The following SLC2A9 variants were observed in gnomAD, a reference collection of about 807,000 sequenced individuals.
SLC2A9 encodes solute carrier family 2, facilitated glucose transporter member 9.
In SLC2A9, 39 loss-of-function variants were observed where a neutral mutation model predicts 50.6. That is an observed-to-expected ratio of 0.77 (90% CI 0.60 to 1.01). The LOEUF (loss-of-function observed/expected upper bound fraction) is 1.01. Ranked by LOEUF, SLC2A9 falls within the 50% of genes least tolerant of loss-of-function variation. The pLI, the probability that SLC2A9 is intolerant of heterozygous loss-of-function variation, is 0.00. For synonymous variants in SLC2A9, 324 were observed against 276.9 expected, an observed-to-expected ratio of 1.17 and a Z score of -1.69; for missense variants, 686 against 677.6, an observed-to-expected ratio of 1.01 and a Z score of -0.14.
At chr4:9,875,871 A>G (rs1472825134) in intron 10 of SLC2A9, among the ~76,000 whole-genome samples, 1 of 152,172 alleles carries the variant, frequency 6.6e-6, no homozygotes, top group African/African-American at 2.4e-5. Flanking sequence ...CTTAACCTCC[A>G]TTGGCACTGG....
At chr4:9,992,544 T>C (rs1757894886) in intron 3 of SLC2A9, among the ~76,000 whole-genome samples, 1 of 152,182 alleles carries the variant, frequency 6.6e-6, no homozygotes, top group Non-Finnish European at 1.5e-5. Context: ...GCATGCAACC[T>C]CGCTCAAGTC....
At chr4:9,931,962 CTATA>C (rs61538689) in intron 6 of SLC2A9, among the ~76,000 whole-genome samples, 178 of 14,532 alleles carry the variant, frequency 0.012, 1 homozygote, top group South Asian at 0.024. Context: ...CTCTCTCTCT[CTATA>C]TATATATATA....
chr4:10,007,820 C>T (rs6449218), intron 2 of SLC2A9, among the ~76,000 whole-genome samples: 9,638 of 152,200 alleles, frequency 0.063, 594 homozygotes, highest in African/African-American at 0.16. Context: ...GCAGGGGCCC[C>T]GTCTGCAACA....
At chr4:9,931,948 CTCTCTCTCTCTCTCTATA>C (rs1440309536) in intron 6 of SLC2A9, among the ~76,000 whole-genome samples, 19 of 60,700 alleles carry the variant, frequency 3.1e-4, no homozygotes, top group East Asian at 9.7e-4. Context: ...CTCTCTCTCT[CTCTCTCTCTCTCTCTATA>C]TATATATATA....
chr4:9,984,961 C>T (rs1383016614), intron 4 of SLC2A9, among the ~76,000 whole-genome samples: 1 of 152,210 alleles, frequency 6.6e-6, no homozygotes, highest in Non-Finnish European at 1.5e-5. Flanking sequence ...CATCTCCTTG[C>T]TCTTTCCCAG....
chr4:9,774,063 C>T (rs188138439), intron 1 of SLC2A9, among the ~76,000 whole-genome samples: 249 of 147,606 alleles, frequency 1.7e-3, no homozygotes, highest in East Asian at 4.4e-3. Context: ...GGTGCGATCT[C>T]GCCTCACTGG....
intron 3 of SLC2A9, among the ~76,000 whole-genome samples, chr4:9,809,445 C>A (rs1338728734): frequency 6.6e-6 from 1 of 152,132 alleles, no homozygotes; most frequent in Non-Finnish European, 1.5e-5. Flanking sequence ...CTCTGTGGAC[C>A]ACAGGGCGCC....
intron 7 of SLC2A9, among the ~76,000 whole-genome samples, chr4:9,911,728 T>C (rs1741832587): frequency 1.3e-5 from 2 of 152,326 alleles, no homozygotes; most frequent in African/African-American, 4.8e-5. Flanking sequence ...TACTTCGTCT[T>C]TCAGGGTTCT....
chr4:9,980,053 A>G (rs1473102633), intron 5 of SLC2A9, among the ~76,000 whole-genome samples: 1 of 152,140 alleles, frequency 6.6e-6, no homozygotes, highest in Admixed American at 6.5e-5. Context: ...CTCCCTGCTA[A>G]GGCCACACAG....
At chr4:9,793,718 C>T (rs1720251181) in intron 3 of SLC2A9, among the ~76,000 whole-genome samples, 1 of 152,124 alleles carries the variant, frequency 6.6e-6, no homozygotes, top group South Asian at 2.1e-4. Flanking sequence ...AGAGATTTTT[C>T]TGTGCAAAGT....
intron 8 of SLC2A9, among the ~76,000 whole-genome samples, chr4:9,904,385 G>A (rs898181834): frequency 6.6e-5 from 10 of 152,118 alleles, no homozygotes; most frequent in African/African-American, 2.2e-4. Flanking sequence ...TGGCAATGGC[G>A]TCACTCCTGC....
At chr4:9,774,820 T>C (rs184808273), downstream of SLC2A9, among the ~76,000 whole-genome samples, 136 of 152,074 alleles carry the variant, frequency 8.9e-4, 1 homozygote, top group Non-Finnish European at 1.7e-3. Context: ...CTTCTTTCTC[T>C]TTCTCTCCCT....
Position 9,826,499 on chromosome 4 carries a change from A to C in SLC2A9, c.1521T>G (p.Tyr507Ter), listed in dbSNP as rs747719565. The change falls in exon 12 of 12, where the codon TAT becomes TAG. Residue 507 changes from tyrosine to a stop codon, truncating the protein, a stop_gained. Transcript: ENST00000264784. LOFTEE classifies it low-confidence loss of function (END_TRUNC). ...FVLPETKNRT[Y>*]AEISQAFSKR... Reference sequence around the variant, plus strand: ...TGGAAAATGCCTGGCTGATTTCTGCATAGGTTCTGTTTTTGGTCTCAGGCA... The same window carrying C: ...TGGAAAATGCCTGGCTGATTTCTGCCTAGGTTCTGTTTTTGGTCTCAGGCA... 4 of 1,613,968 alleles carry C rather than the reference A, an allele frequency of 2.5e-6. No homozygotes were observed. The highest frequency in any genetic ancestry group is 3.4e-6 in the Non-Finnish European group (4 of 1,179,986).
chr4:9,777,195 C>G (rs1165876322), downstream of SLC2A9, among the ~76,000 whole-genome samples: 1 of 152,068 alleles, frequency 6.6e-6, no homozygotes, highest in African/African-American at 2.4e-5. Flanking sequence ...GTCCCCGGGC[C>G]CTAGAATAGG....
At chr4:9,840,462 T>G (rs1727862552) in intron 10 of SLC2A9, among the ~76,000 whole-genome samples, 1 of 152,230 alleles carries the variant, frequency 6.6e-6, no homozygotes, top group Non-Finnish European at 1.5e-5. Flanking sequence ...ATAGTTTTAT[T>G]GTTTTTTTCT....
chr4:9,806,394 A>G (rs1850733), intron 3 of SLC2A9, among the ~76,000 whole-genome samples: 42,390 of 152,238 alleles, frequency 0.28, 6,930 homozygotes, highest in African/African-American at 0.43. Context: ...TTTGTTTCCC[A>G]TAAGGAATAC....
At chr4:10,024,998 C>T (rs576524649), upstream of SLC2A9, among the ~76,000 whole-genome samples, 2 of 152,286 alleles carry the variant, frequency 1.3e-5, no homozygotes, top group Admixed American at 1.3e-4. Flanking sequence ...ATTATTCTTG[C>T]GTGGGGTCTT....
rs1038018625 is a variant in SLC2A9 at position 9,935,849 on chromosome 4, G to C, written c.814+6064C>G. 6.6e-5 allele frequency among the ~76,000 whole-genome samples: 10 copies of C among 152,324 alleles called. No homozygotes were observed. The South Asian group carries it at 1.7e-3, about 25-fold the overall frequency. On this transcript the variant is annotated intron_variant, in intron 6 of 11. Coordinates refer to ENST00000264784, the MANE Select transcript of SLC2A9 (RefSeq NM_020041.3). ...TCCATTCCACTCTTTCCTGCAGGAA[G>C]CTCTGTGGCTCATAAAACATTAAAA... is the stretch of plus-strand genomic sequence containing the variant.
rs367647381 is a variant in SLC2A9, at chr4:9,814,419, TA to T, written n.420+12000del. Among the ~76,000 whole-genome samples the T allele has an allele frequency of 1.1e-4, 16 of 152,326 alleles. No homozygotes were observed. In the East Asian group the frequency reaches 2.9e-3, roughly 28 times the overall value. On this transcript the variant is annotated intron_variant and non_coding_transcript_variant, in intron 3 of 3. Coordinates refer to the SLC2A9 transcript ENST00000503280. Reference sequence around the variant, plus strand: ...TCTTGTTTGGGGATCCAAGAAGTGCTAAAAAACTCACTGAATGGTGAGAAAA... The same window carrying T: ...TCTTGTTTGGGGATCCAAGAAGTGCTAAAAACTCACTGAATGGTGAGAAAA...
Sources: allele counts gnomAD v4.1 joint callset (sites outside exome capture counted in the v4.1 genomes callset), GRCh38; gene constraint gnomAD v4.1.1; transcripts MANE v1.5; gene names NCBI Gene and HGNC (gene_info 2026-07-23, HGNC 2026-07-21).